The following SPACA7 variants were observed in gnomAD, a reference collection of about 807,000 sequenced individuals.
SPACA7 encodes the protein sperm acrosome associated 7.
In SPACA7, 19 loss-of-function variants were observed where a neutral mutation model predicts 26.3. The ratio of observed to expected loss-of-function variants is 0.72; its 90% confidence interval spans 0.50 to 1.06. SPACA7 has a LOEUF of 1.06. Among genes scored for constraint, SPACA7 ranks in the 50% least tolerant of loss-of-function variants. SPACA7 has a pLI of 0.00. For missense variants in SPACA7, 211 were observed against 229.9 expected (o/e 0.92, Z 0.53); for synonymous variants, 84 against 84.5 (o/e 0.99, Z 0.04).
chr13:112,397,131 C>T (rs1457326988), intron 2 of SPACA7, among the ~76,000 whole-genome samples: 3 of 152,210 alleles, frequency 2.0e-5, no homozygotes, highest in South Asian at 2.1e-4. Flanking sequence ...GCTTTTTTAT[C>T]GGTCGTATTG....
intron 5 of SPACA7, among the ~76,000 whole-genome samples, chr13:112,409,908 C>T (rs1886236773): frequency 6.6e-6 from 1 of 152,186 alleles, no homozygotes; most frequent in Non-Finnish European, 1.5e-5. Context: ...TATAAAGATG[C>T]ATGCACACGT....
At chr13:112,425,462 G>T (rs531879757) in intron 5 of SPACA7, among the ~76,000 whole-genome samples, 20 of 152,346 alleles carry the variant, frequency 1.3e-4, no homozygotes, top group Non-Finnish European at 2.2e-4. Context: ...GGTTGGGAGT[G>T]CCCTGACTCT....
At position 112,424,374 on chromosome 13, in the gene SPACA7, G is replaced by A. The variant is rs557275786; in HGVS notation, c.446-8070G>A. 2.2e-4 allele frequency among the ~76,000 whole-genome samples: 33 copies of A among 152,290 alleles called. No homozygotes were observed. The South Asian group carries it at 5.4e-3, about 25-fold the overall frequency. ...TTCCCCAGTTACGGCTTCCCTGCAG[G>A]AGTCTGTGGACTTCAGGATGCGTCA... On this transcript the variant is annotated intron_variant, in intron 5 of 6. Transcript: ENST00000283550.
At chr13:112,420,796 TAAAA>T (rs1215867755) in intron 5 of SPACA7, among the ~76,000 whole-genome samples, 1 of 151,946 alleles carries the variant, frequency 6.6e-6, no homozygotes, top group Non-Finnish European at 1.5e-5. Flanking sequence ...GTTGAAATTT[TAAAA>T]AGAGGGTATA....
intron 1 of SPACA7, among the ~76,000 whole-genome samples, chr13:112,391,068 G>C (rs750282303): frequency 6.6e-6 from 1 of 152,060 alleles, no homozygotes; most frequent in Non-Finnish European, 1.5e-5. Context: ...TAGGTCTTTC[G>C]TTTCTTGTTT....
intron 1 of SPACA7, chr13:112,382,323 T>A: frequency 8.7e-7 from 1 of 1,154,976 alleles, no homozygotes; most frequent in Non-Finnish European, 1.2e-6. Flanking sequence ...GCCTCTCGAT[T>A]TCTTGACCTC....
At chr13:112,389,171 T>A (rs28831764) in intron 1 of SPACA7, among the ~76,000 whole-genome samples, 5,160 of 152,290 alleles carry the variant, frequency 0.034, 291 homozygotes, top group African/African-American at 0.12. Context: ...TTGTTTATAC[T>A]ATAAACTATG....
At chr13:112,417,845 G>C (rs769172835) in intron 5 of SPACA7, among the ~76,000 whole-genome samples, 1 of 152,136 alleles carries the variant, frequency 6.6e-6, no homozygotes, top group Admixed American at 6.5e-5. Context: ...AGTGAATGTA[G>C]GGCAGGAACA....
intron 5 of SPACA7, among the ~76,000 whole-genome samples, chr13:112,424,361 G>A (rs144990103): frequency 3.0e-4 from 46 of 152,210 alleles, no homozygotes; most frequent in African/African-American, 1.0e-3. Context: ...CCCCAGTTAC[G>A]GCTTCCCTGC....
chr13:112,416,600 T>A (rs79453557), intron 5 of SPACA7, among the ~76,000 whole-genome samples: 253 of 152,276 alleles, frequency 1.7e-3, no homozygotes, highest in Middle Eastern at 6.8e-3. Flanking sequence ...GCTTTGTCAG[T>A]TTTTAATGGT....
intron 1 of SPACA7, among the ~76,000 whole-genome samples, chr13:112,377,462 C>G (rs1490812926): frequency 1.3e-5 from 2 of 152,170 alleles, no homozygotes; most frequent in Non-Finnish European, 2.9e-5. Flanking sequence ...TATTCACCCT[C>G]TAGTTCAATT....
chr13:112,411,835 G>A (rs1426555276), intron 5 of SPACA7, among the ~76,000 whole-genome samples: 4 of 151,796 alleles, frequency 2.6e-5, no homozygotes, highest in Admixed American at 6.6e-5. Flanking sequence ...TTCTTTATTC[G>A]TTTATCCACT....
chr13:112,430,172 C>CTGTGTGTG (rs1254393630), intron 5 of SPACA7, among the ~76,000 whole-genome samples: 3,148 of 122,660 alleles, frequency 0.026, 129 homozygotes, highest in East Asian at 0.25. Context: ...GCATCTCTCT[C>CTGTGTGTG]TCTGTGTGTG....
chr13:112,383,126 AAAGAAAGAAAG>A (rs1195407616), intron 1 of SPACA7, among the ~76,000 whole-genome samples: 1 of 3,058 alleles, frequency 3.3e-4, no homozygotes, highest in Non-Finnish European at 1.1e-3. Context: ...AAAAGAAAAG[AAAGAAAGAAAG>A]AAAGAAAGAA....
chr13:112,386,813 T>C (rs550685771), intron 1 of SPACA7, among the ~76,000 whole-genome samples: 1 of 152,360 alleles, frequency 6.6e-6, no homozygotes, highest in African/African-American at 2.4e-5. Context: ...TACCTGACTT[T>C]AGCCAGGCCA....
intron 1 of SPACA7, among the ~76,000 whole-genome samples, chr13:112,379,962 A>G (rs1172064542): frequency 6.6e-6 from 1 of 152,244 alleles, no homozygotes; most frequent in Non-Finnish European, 1.5e-5. Flanking sequence ...AAAACAATTT[A>G]GCTCTTTTAA....
Position 112,415,852 on chromosome 13 carries a change from C to T in SPACA7, c.445+14688C>T, listed in dbSNP as rs78840601. On this transcript the variant is annotated intron_variant, in intron 5 of 6. Coordinates refer to ENST00000283550, the MANE Select transcript of SPACA7 (RefSeq NM_145248.5). ...GACTCAGGTTCATCCTGCAGGGCAG[C>T]GATTCTCCTCTGGCCTGGGGTGGGT... Among the ~76,000 whole-genome samples, 65 of 152,140 alleles carry T rather than the reference C, an allele frequency of 4.3e-4. No homozygotes were observed. The East Asian group carries it at 0.011, about 25-fold the overall frequency.
intron 4 of SPACA7, among the ~76,000 whole-genome samples, chr13:112,400,243 A>T (rs897195631): frequency 2.6e-5 from 4 of 152,166 alleles, no homozygotes; most frequent in Non-Finnish European, 4.4e-5. Context: ...GAGTCCCCCC[A>T]ATAAGACAGA....
intron 5 of SPACA7, among the ~76,000 whole-genome samples, chr13:112,415,629 TGA>T (rs1886642956): frequency 6.6e-6 from 1 of 152,098 alleles, no homozygotes; most frequent in Non-Finnish European, 1.5e-5. Flanking sequence ...TGCCTGGAGT[TGA>T]GAGAGTTGTG....
Sources: gnomAD v4.1 joint callset for allele counts (sites outside exome capture counted in the v4.1 genomes callset) on GRCh38, gnomAD v4.1.1 for gene constraint, MANE v1.5 for transcripts, NCBI Gene and HGNC (gene_info 2026-07-23, HGNC 2026-07-21) for gene names.